CNTN4: variants seen among roughly 807,000 people sequenced by gnomAD.
CNTN4 encodes contactin 4, also known as contactin-4.
CNTN4 carries 77 observed loss-of-function variants against 122.5 expected under a neutral mutation model. The observed-to-expected ratio is 0.63, with a 90% CI of 0.52 to 0.76. CNTN4 has a LOEUF of 0.76. Ranked by LOEUF, CNTN4 falls within the 30% of genes least tolerant of loss-of-function variation. The pLI is 0.00. For missense variants in CNTN4, 1,256 were observed against 1,259.1 expected (o/e 1.00, Z 0.04); for synonymous variants, 512 against 447.0 (o/e 1.15, Z -1.83).
At chr3:2,260,444 T>C (rs1175720913) in intron 2 of CNTN4, among the ~76,000 whole-genome samples, 1 of 152,096 alleles carries the variant, frequency 6.6e-6, no homozygotes, top group African/African-American at 2.4e-5. Flanking sequence ...TTAAGACAAT[T>C]TTCCAATTCA....
intron 13 of CNTN4, among the ~76,000 whole-genome samples, chr3:2,971,453 C>G (rs1278220280): frequency 1.3e-5 from 2 of 151,936 alleles, no homozygotes; most frequent in Non-Finnish European, 2.9e-5. Flanking sequence ...AGTGGTATAC[C>G]ATAAGCTGGC....
At chr3:2,571,051 G>C (rs2079399960) in intron 3 of CNTN4, among the ~76,000 whole-genome samples, 1 of 87,388 alleles carries the variant, frequency 1.1e-5, no homozygotes, top group Non-Finnish European at 2.5e-5. Context: ...TGGCAGTTCT[G>C]TATTTGCTTT....
intron 4 of CNTN4, among the ~76,000 whole-genome samples, chr3:2,659,814 C>G (rs1248762586): frequency 6.6e-6 from 1 of 152,150 alleles, no homozygotes; most frequent in Non-Finnish European, 1.5e-5. Flanking sequence ...GATGTTTGAA[C>G]TCATCCTAAA....
chr3:2,281,811 C>G (rs1481331143), intron 2 of CNTN4, among the ~76,000 whole-genome samples: 1 of 152,096 alleles, frequency 6.6e-6, no homozygotes, highest in Non-Finnish European at 1.5e-5. Flanking sequence ...CTAGCATCAT[C>G]TTGCTGTATG....
intron 2 of CNTN4, among the ~76,000 whole-genome samples, chr3:2,252,768 C>T (rs1385429882): frequency 6.6e-6 from 1 of 152,088 alleles, no homozygotes; most frequent in Non-Finnish European, 1.5e-5. Flanking sequence ...ACTGATTTGT[C>T]TTCCAAAACA....
intron 4 of CNTN4, among the ~76,000 whole-genome samples, chr3:2,578,096 C>T (rs2079775277): frequency 6.6e-6 from 1 of 152,034 alleles, no homozygotes; most frequent in African/African-American, 2.4e-5. Context: ...AGGAAGACCC[C>T]TGGATTGAAT....
At chr3:3,009,560 A>G (rs909246073) in intron 14 of CNTN4, among the ~76,000 whole-genome samples, 1 of 148,520 alleles carries the variant, frequency 6.7e-6, no homozygotes, top group Non-Finnish European at 1.5e-5. Context: ...CAGCTTCCCG[A>G]GTAGCTGGGA....
chr3:2,934,354 C>A (rs2094549935), intron 13 of CNTN4, among the ~76,000 whole-genome samples: 1 of 152,214 alleles, frequency 6.6e-6, no homozygotes, highest in Non-Finnish European at 1.5e-5. Context: ...TGGTATCTGC[C>A]TCCAAAGTGA....
rs1001536235 is a variant in CNTN4, at chr3:2,709,372, C to T, written c.56-26843C>T. On this transcript the variant is annotated intron_variant, in intron 4 of 24. Coordinates refer to ENST00000418658, the MANE Select transcript of CNTN4 (RefSeq NM_175607.3). This position sits in a 1 kb window ranked among gnomAD's most constrained non-coding sequence, Gnocchi z 5.0. ...AAAAAATACTGATGCGTAGGTCTCACGCCTGGTTAGGATTTGATTGGTAAG... is the reference window on the plus strand; with the variant it reads ...AAAAAATACTGATGCGTAGGTCTCATGCCTGGTTAGGATTTGATTGGTAAG... Among the ~76,000 whole-genome samples the T allele has an allele frequency of 6.6e-6, 1 of 151,836 alleles. No individual in the cohort carries two copies. Among genetic ancestry groups the T allele is most frequent in the African/African-American group, 2.4e-5 (1 of 41,186 alleles).
intron 13 of CNTN4, among the ~76,000 whole-genome samples, chr3:2,968,882 A>G (rs944746641): frequency 2.6e-5 from 4 of 152,202 alleles, no homozygotes; most frequent in Non-Finnish European, 5.9e-5. Flanking sequence ...CTGTCTCACA[A>G]GTGACACTGT....
chr3:2,404,296 C>T (rs2046955640), intron 3 of CNTN4, among the ~76,000 whole-genome samples: 2 of 152,114 alleles, frequency 1.3e-5, no homozygotes, highest in Non-Finnish European at 2.9e-5. Context: ...AGGCCTTTCC[C>T]CTTCCTGGAG....
At chr3:2,984,679 G>T (rs1468609404) in intron 13 of CNTN4, among the ~76,000 whole-genome samples, 1 of 152,180 alleles carries the variant, frequency 6.6e-6, no homozygotes, top group Non-Finnish European at 1.5e-5. Flanking sequence ...GTTTGATACA[G>T]GCGATGGCTT....
intron 3 of CNTN4, among the ~76,000 whole-genome samples, chr3:2,429,658 C>T (rs2047984790): frequency 6.6e-6 from 1 of 152,184 alleles, no homozygotes; most frequent in African/African-American, 2.4e-5. Context: ...GCCTTTTGTT[C>T]AGCTGTGCCA....
At chr3:2,567,017 T>A (rs2079192949) in intron 3 of CNTN4, among the ~76,000 whole-genome samples, 1 of 152,234 alleles carries the variant, frequency 6.6e-6, no homozygotes. Context: ...TAAAATCTTT[T>A]TAGGTCTTTC....
intron 2 of CNTN4, among the ~76,000 whole-genome samples, chr3:2,190,547 T>C (rs547877285): frequency 4.6e-5 from 7 of 151,998 alleles, no homozygotes; most frequent in African/African-American, 1.7e-4. Context: ...CCTTTAGAAC[T>C]GGGTACCAAA....
At chr3:2,386,942 G>A (rs947695109) in intron 3 of CNTN4, among the ~76,000 whole-genome samples, 7 of 152,136 alleles carry the variant, frequency 4.6e-5, no homozygotes, top group Non-Finnish European at 7.4e-5. Context: ...TGGCAAACCC[G>A]TGAACCTCTG....
chr3:2,306,906 A>T (rs1279679842), intron 2 of CNTN4, among the ~76,000 whole-genome samples: 1 of 151,902 alleles, frequency 6.6e-6, no homozygotes, highest in Non-Finnish European at 1.5e-5. Flanking sequence ...TTTTTATTTC[A>T]TGTTTGAATT....
At position 2,925,095 on chromosome 3, in the gene CNTN4, G is replaced by A. The variant is rs190233467; in HGVS notation, c.1208-534G>A. On this transcript the variant is annotated intron_variant, in intron 12 of 24. Transcript: ENST00000418658. ...GAATATTCTGTGTCTTGATCTTCAT[G>A]GTGGTGTATACCAAATTCACCAAAC... Among the ~76,000 whole-genome samples the A allele has an allele frequency of 1.2e-3, 183 of 152,240 alleles. 1 individual carries two copies. Among genetic ancestry groups the A allele is most frequent in the African/African-American group, 4.1e-3 (172 of 41,536 alleles).
At chr3:2,195,903 A>C (rs2149361743) in intron 2 of CNTN4, among the ~76,000 whole-genome samples, 1 of 152,310 alleles carries the variant, frequency 6.6e-6, no homozygotes, top group South Asian at 2.1e-4. Flanking sequence ...AAAGAAGTCA[A>C]CTTTCTCTGT....
Sources: allele counts gnomAD v4.1 joint callset (sites outside exome capture counted in the v4.1 genomes callset), GRCh38; gene constraint gnomAD v4.1.1; non-coding constraint Gnocchi (gnomAD v3.1); transcripts MANE v1.5; gene names NCBI Gene and HGNC (gene_info 2026-07-23, HGNC 2026-07-21).